OR2L13: variants seen among roughly 807,000 people sequenced by gnomAD.
OR2L13 encodes the protein olfactory receptor family 2 subfamily L member 13.
Under a neutral mutation model 15.3 loss-of-function variants are expected in OR2L13, and 14 were observed. The ratio of observed to expected loss-of-function variants is 0.91; its 90% CI spans 0.60 to 1.43. The LOEUF is 1.43. OR2L13 is among the 40% of genes most tolerant of loss of function. The pLI is 0.00. For synonymous variants in OR2L13, 152 were observed against 142.9 expected, an observed-to-expected ratio of 1.06 and a Z score of -0.45; for missense variants, 367 against 387.9, an observed-to-expected ratio of 0.95 and a Z score of 0.45.
the OR2L13 span, among the ~76,000 whole-genome samples, chr1:247,983,406 G>T: frequency 2.0e-5 from 3 of 151,876 alleles, no homozygotes; most frequent in Admixed American, 2.0e-4. Context: ...TTTTTCTCCA[G>T]TGTACAACAT....
the OR2L13 span, among the ~76,000 whole-genome samples, chr1:248,013,111 A>G: frequency 6.6e-6 from 1 of 151,852 alleles, no homozygotes; most frequent in Admixed American, 6.6e-5. Flanking sequence ...TATGTTAAAG[A>G]TAACTCCAAT....
At chr1:248,075,197 T>C in the OR2L13 span, among the ~76,000 whole-genome samples, 2 of 152,230 alleles carry the variant, frequency 1.3e-5, no homozygotes, top group Admixed American at 1.3e-4. Flanking sequence ...GCAAAGGACA[T>C]GAACTCATTC....
the OR2L13 span, among the ~76,000 whole-genome samples, chr1:248,085,715 C>T: frequency 2.0e-5 from 3 of 152,198 alleles, no homozygotes; most frequent in South Asian, 6.2e-4. Context: ...GTTTTGTTTA[C>T]TTAAATGTTT....
the OR2L13 span, among the ~76,000 whole-genome samples, chr1:248,009,112 A>C: frequency 4.6e-5 from 7 of 152,164 alleles, no homozygotes; most frequent in Non-Finnish European, 1.0e-4. Context: ...ACACACTAAC[A>C]TCACAATTAA....
the OR2L13 span, among the ~76,000 whole-genome samples, chr1:248,080,413 T>C: frequency 1.3e-5 from 2 of 152,292 alleles, no homozygotes; most frequent in Non-Finnish European, 2.9e-5. Flanking sequence ...TTTCTCCTAA[T>C]GCTATCCCTC....
the OR2L13 span, among the ~76,000 whole-genome samples, chr1:247,989,691 C>T: frequency 6.0e-4 from 91 of 152,218 alleles, 1 homozygote; most frequent in East Asian, 0.016. Context: ...TCTAACTAAA[C>T]TAAGGACTTT....
the OR2L13 span, among the ~76,000 whole-genome samples, chr1:248,002,845 A>T: frequency 7.0e-6 from 1 of 141,954 alleles, no homozygotes; most frequent in Non-Finnish European, 1.5e-5. Context: ...GCGAAGCGAG[A>T]CTCCAGCTCA....
chr1:248,014,616 C>G, the OR2L13 span, among the ~76,000 whole-genome samples: 3 of 152,072 alleles, frequency 2.0e-5, no homozygotes, highest in Non-Finnish European at 4.4e-5. Context: ...TATTACTCTA[C>G]AGTCATAGCA....
chr1:247,984,206 G>A, the OR2L13 span, among the ~76,000 whole-genome samples: 1 of 150,218 alleles, frequency 6.7e-6, no homozygotes, highest in East Asian at 2.0e-4. Flanking sequence ...AGTAGGAGGT[G>A]GGGGGAGGAG....
At chr1:248,038,929 T>G in the OR2L13 span, 32 of 1,614,158 alleles carry the variant, frequency 2.0e-5, no homozygotes, top group African/African-American at 3.3e-4. Context: ...GGCCGGGTTC[T>G]CCTTGCTGTC....
At chr1:247,955,885 G>C in the OR2L13 span, among the ~76,000 whole-genome samples, 5 of 151,466 alleles carry the variant, frequency 3.3e-5, no homozygotes, top group African/African-American at 9.7e-5. Context: ...TTCTCCCATT[G>C]TGTAGGTTGC....
chr1:248,021,204 C>A, the OR2L13 span, among the ~76,000 whole-genome samples: 1 of 152,002 alleles, frequency 6.6e-6, no homozygotes, highest in Admixed American at 6.6e-5. Flanking sequence ...ATGATTTTTC[C>A]TATAAATGTA....
the OR2L13 span, chr1:247,990,548 C>T: frequency 2.6e-6 from 4 of 1,566,116 alleles, no homozygotes; most frequent in East Asian, 2.2e-5. Flanking sequence ...ATCTCCTTCA[C>T]TGGGTGTGGG....
At chr1:248,025,131 C>T in the OR2L13 span, among the ~76,000 whole-genome samples, 1 of 148,740 alleles carries the variant, frequency 6.7e-6, no homozygotes, top group Non-Finnish European at 1.5e-5. Flanking sequence ...TTCTGCACAG[C>T]AAAAGAAACT....
the OR2L13 span, among the ~76,000 whole-genome samples, chr1:247,993,807 G>GAGAGAGAGAA: frequency 3.3e-3 from 430 of 128,940 alleles, 9 homozygotes; most frequent in African/African-American, 4.8e-3. Context: ...GAGAGAGAGA[G>GAGAGAGAGAA]AGAGAAAGAA....
At chr1:248,038,384 T>C in the OR2L13 span, 1 of 1,613,392 alleles carries the variant, frequency 6.2e-7, no homozygotes. Flanking sequence ...TGGCTCTAAT[T>C]GGAAATCTAT....
upstream of OR2L13, among the ~76,000 whole-genome samples, chr1:248,090,311 T>A (rs1180050082): frequency 6.6e-6 from 1 of 152,138 alleles, no homozygotes; most frequent in Non-Finnish European, 1.5e-5. Context: ...TTTTAATTTC[T>A]AGTTTTTGGG....
At chr1:248,008,500 G>C in the OR2L13 span, among the ~76,000 whole-genome samples, 1 of 152,074 alleles carries the variant, frequency 6.6e-6, no homozygotes, top group Non-Finnish European at 1.5e-5. Flanking sequence ...AGGAGATAAA[G>C]TGAGTGATCT....
At chr1:248,052,443 A>G in the OR2L13 span, among the ~76,000 whole-genome samples, 7,567 of 152,206 alleles carry the variant, frequency 0.05, 589 homozygotes, top group African/African-American at 0.17. Flanking sequence ...ATCAGAAAGT[A>G]TATGGCCTGG....
Sources: allele counts gnomAD v4.1 joint callset (sites outside exome capture counted in the v4.1 genomes callset), GRCh38; gene constraint gnomAD v4.1.1; transcripts MANE v1.5; gene names NCBI Gene and HGNC (gene_info 2026-07-23, HGNC 2026-07-21).